Variants in INPP4B observed in about 807,000 individuals in gnomAD.
INPP4B encodes inositol polyphosphate-4-phosphatase type II B, also known as inositol polyphosphate 4-phosphatase type II.
Under a neutral mutation model 122.5 loss-of-function variants are expected in INPP4B, and 55 were observed. The ratio of observed to expected loss-of-function variants is 0.45; its 90% CI spans 0.36 to 0.56. INPP4B has a LOEUF of 0.56. Among genes scored for constraint, INPP4B ranks in the 20% least tolerant of loss-of-function variants. The probability of loss-of-function intolerance (pLI) is 0.00; values close to 1 mark genes in which losing one functional copy is unlikely to be tolerated. For synonymous variants in INPP4B, 403 were observed against 388.7 expected, an observed-to-expected ratio of 1.04 and a Z score of -0.43; for missense variants, 1,000 against 1,097.7, an observed-to-expected ratio of 0.91 and a Z score of 1.26.
At chr4:142,768,690 T>C (rs958745653) in intron 1 of INPP4B, among the ~76,000 whole-genome samples, 2 of 152,304 alleles carry the variant, frequency 1.3e-5, no homozygotes, top group African/African-American at 2.4e-5. Flanking sequence ...GAGCAACATA[T>C]ACAGAAGCAA....
chr4:142,823,017 A>T (rs925766915), intron 1 of INPP4B, among the ~76,000 whole-genome samples: 2 of 152,122 alleles, frequency 1.3e-5, no homozygotes, highest in African/African-American at 4.8e-5. Flanking sequence ...GGTATCTGTA[A>T]TCATAGCAAA....
At chr4:142,289,797 G>T (rs945218970) in intron 9 of INPP4B, among the ~76,000 whole-genome samples, 3 of 152,096 alleles carry the variant, frequency 2.0e-5, no homozygotes, top group Non-Finnish European at 4.4e-5. Flanking sequence ...CCTATTCAGC[G>T]ACAACTTCAT....
At chr4:142,619,499 A>G (rs1345241366) in intron 2 of INPP4B, among the ~76,000 whole-genome samples, 1 of 152,098 alleles carries the variant, frequency 6.6e-6, no homozygotes, top group Non-Finnish European at 1.5e-5. Flanking sequence ...AGAAGAATAA[A>G]TGCTGGATAA....
chr4:142,757,266 A>G (rs1580846583), intron 1 of INPP4B, among the ~76,000 whole-genome samples: 1 of 152,230 alleles, frequency 6.6e-6, no homozygotes, highest in South Asian at 2.1e-4. Flanking sequence ...ATTTTTTACA[A>G]TGGATATCTA....
intron 2 of INPP4B, among the ~76,000 whole-genome samples, chr4:142,698,472 C>T (rs752462628): frequency 6.6e-6 from 1 of 152,092 alleles, no homozygotes; most frequent in Admixed American, 6.6e-5. Flanking sequence ...ATTTTCATTA[C>T]CAGACCCTAG....
intron 1 of INPP4B, among the ~76,000 whole-genome samples, chr4:142,806,865 A>C (rs1209180515): frequency 6.6e-6 from 1 of 151,906 alleles, no homozygotes; most frequent in South Asian, 2.1e-4. Flanking sequence ...AAGAAAAAGA[A>C]ACAAGCTAAA....
chr4:142,298,683 C>CAAAAAAA (rs386401712), intron 9 of INPP4B, among the ~76,000 whole-genome samples: 1 of 66,442 alleles, frequency 1.5e-5, no homozygotes, highest in African/African-American at 6.2e-5. Flanking sequence ...GACTCTGTCT[C>CAAAAAAA]AAAAAAAAAA....
chr4:142,633,529 G>T (rs1338342406), intron 2 of INPP4B, among the ~76,000 whole-genome samples: 1 of 152,086 alleles, frequency 6.6e-6, no homozygotes, highest in Admixed American at 6.6e-5. Flanking sequence ...ATACAAAACA[G>T]TATGTGTACA....
At chr4:142,551,648 T>A (rs189543216) in intron 2 of INPP4B, among the ~76,000 whole-genome samples, 6 of 152,330 alleles carry the variant, frequency 3.9e-5, no homozygotes, top group Admixed American at 3.3e-4. Context: ...GAGATAAGTG[T>A]TGAGTTCTGT....
intron 25 of INPP4B, chr4:142,029,824 A>T: frequency 2.9e-6 from 3 of 1,047,694 alleles, no homozygotes; most frequent in Non-Finnish European, 3.5e-6. Flanking sequence ...TGGGATGAGG[A>T]CAGGAGGTTC....
chr4:142,226,382 G>A (rs968291717), intron 12 of INPP4B, among the ~76,000 whole-genome samples: 5 of 152,050 alleles, frequency 3.3e-5, no homozygotes, highest in Non-Finnish European at 7.4e-5. Flanking sequence ...TGTCAATTAT[G>A]CTAGATCAAA....
At chr4:142,092,910 C>T (rs550828668) in intron 23 of INPP4B, among the ~76,000 whole-genome samples, 25 of 152,206 alleles carry the variant, frequency 1.6e-4, no homozygotes, top group African/African-American at 4.3e-4. Context: ...CTACATTCTT[C>T]GACACTTTTT....
chr4:142,726,979 C>T (rs1270730328), intron 1 of INPP4B, among the ~76,000 whole-genome samples: 1 of 152,120 alleles, frequency 6.6e-6, no homozygotes, highest in African/African-American at 2.4e-5. Flanking sequence ...CTATTATTAT[C>T]ACTGTTCTTT....
intron 1 of INPP4B, chr4:142,766,675 C>G (rs930913874): frequency 6.6e-6 from 1 of 151,842 alleles, no homozygotes; most frequent in Non-Finnish European, 1.5e-5. Flanking sequence ...TTATGCCCAG[C>G]CATAAAGTAT....
chr4:142,308,789 T>C (rs1764378856), intron 8 of INPP4B, among the ~76,000 whole-genome samples: 1 of 152,110 alleles, frequency 6.6e-6, no homozygotes, highest in Non-Finnish European at 1.5e-5. Context: ...CCTTTGGTGC[T>C]GTTTCTATCA....
intron 2 of INPP4B, among the ~76,000 whole-genome samples, chr4:142,523,918 T>C (rs1826458318): frequency 6.8e-6 from 1 of 146,796 alleles, no homozygotes; most frequent in East Asian, 2.0e-4. Context: ...TTTGGTTTTT[T>C]GTTCTTGCGA....
At chr4:142,288,162 C>T (rs149979808) in intron 9 of INPP4B, among the ~76,000 whole-genome samples, 48 of 152,356 alleles carry the variant, frequency 3.2e-4, no homozygotes, top group African/African-American at 1.0e-3. Flanking sequence ...TCATCCATAA[C>T]ACTCTTCAAA....
intron 2 of INPP4B, among the ~76,000 whole-genome samples, chr4:142,692,970 C>A (rs1038502396): frequency 4.9e-5 from 7 of 144,078 alleles, no homozygotes; most frequent in African/African-American, 1.8e-4. Flanking sequence ...GACAGACAGA[C>A]AGACACATAC....
At chr4:142,591,171 C>T (rs1737404894) in intron 2 of INPP4B, among the ~76,000 whole-genome samples, 1 of 151,944 alleles carries the variant, frequency 6.6e-6, no homozygotes, top group Non-Finnish European at 1.5e-5. Flanking sequence ...TGGTGGCACA[C>T]ACCTGCAGTC....
Sources: allele counts gnomAD v4.1 joint callset (sites outside exome capture counted in the v4.1 genomes callset), GRCh38; gene constraint gnomAD v4.1.1; transcripts MANE v1.5; gene names NCBI Gene and HGNC (gene_info 2026-07-23, HGNC 2026-07-21).